The following ABCA12 variants were observed in gnomAD, a reference collection of about 807,000 sequenced individuals.
ABCA12 encodes ATP binding cassette subfamily A member 12, also known as glucosylceramide transporter ABCA12.
A neutral mutation model predicts 293.5 loss-of-function variants in ABCA12; 156 were observed. The ratio of observed to expected loss-of-function variants is 0.53; its 90% confidence interval spans 0.47 to 0.61. The LOEUF (loss-of-function observed/expected upper bound fraction) is 0.61, where lower values mean the gene tolerates loss of function less well. Ranked by LOEUF, ABCA12 falls within the 20% of genes least tolerant of loss-of-function variation. ABCA12 has a pLI of 0.00. For missense variants in ABCA12, 2,797 were observed against 3,090.2 expected, an observed-to-expected ratio of 0.91 and a Z score of 2.25; for synonymous variants, 1,063 against 1,108.0, an observed-to-expected ratio of 0.96 and a Z score of 0.81.
intron 15 of ABCA12, 34 bp downstream of exon 15, chr2:215,015,456 T>C (rs200888216): frequency 2.2e-4 from 343 of 1,573,000 alleles, no homozygotes; most frequent in Non-Finnish European, 2.7e-4. Context: ...ATATAAACCA[T>C]GAATATAAAC....
intron 34 of ABCA12, 49 bp from the exon 35 acceptor site, chr2:214,974,913 C>T: frequency 6.8e-7 from 1 of 1,470,566 alleles, no homozygotes; most frequent in Non-Finnish European, 9.5e-7. Context: ...CTACTAGTCT[C>T]CCATATTAAA....
At chr2:215,105,941 C>T (rs1239119311) in intron 2 of ABCA12, among the ~76,000 whole-genome samples, 4 of 152,070 alleles carry the variant, frequency 2.6e-5, no homozygotes, top group Middle Eastern at 3.2e-3. Context: ...ACAAAAAAAC[C>T]TATGTAAATT....
intron 28 of ABCA12, among the ~76,000 whole-genome samples, chr2:214,984,705 G>A (rs1699749676): frequency 6.6e-6 from 1 of 152,018 alleles, no homozygotes; most frequent in African/African-American, 2.4e-5. Flanking sequence ...GCACGAGACT[G>A]GAATCTGTAA....
At chr2:215,133,149 ATTTTTTTTTTTTTTTTTTTTTTT>A (rs55641331) in intron 1 of ABCA12, among the ~76,000 whole-genome samples, 5 of 34,882 alleles carry the variant, frequency 1.4e-4, no homozygotes, top group Non-Finnish European at 1.4e-4. Flanking sequence ...GCTGGCTTTA[ATTTTTTTTTTTTTTTTTTTTTTT>A]TTTTTTTTTT....
rs762533276 is a variant in ABCA12 at position 215,001,024 on chromosome 2, A to G, written c.2864-4T>C. On this transcript the variant is annotated splice_polypyrimidine_tract_variant and splice_region_variant and intron_variant, in intron 21 of 52. Transcript: ENST00000272895. ...GAAGGAAGCTTAAAAATAACACCTA[A>G]AAATAAAATGGCAACAACAGCAGAA... 6.2e-7 allele frequency: 1 copy of G among 1,613,824 alleles called. No homozygotes were observed. The highest frequency in any genetic ancestry group is 1.1e-5 in the South Asian group (1 of 91,070).
chr2:215,027,460 G>A (rs1321325630), intron 9 of ABCA12, among the ~76,000 whole-genome samples: 1 of 152,188 alleles, frequency 6.6e-6, no homozygotes, highest in Non-Finnish European at 1.5e-5. Context: ...CCTTTTCTAT[G>A]TGTACTATCT....
At position 215,105,607 on chromosome 2, in the gene ABCA12, A is replaced by ACACT. The variant is rs1246377026; in HGVS notation, c.163+5989_163+5990insAGTG. On this transcript the variant is annotated intron_variant, in intron 2 of 52. Transcript: ENST00000272895. ...CACACACACACACACACACGCACAC[A>ACACT]CACACACACACACACGCACTTTCAC... 1.2e-3 allele frequency among the ~76,000 whole-genome samples: 177 copies of ACACT among 151,646 alleles called. 1 individual carries two copies. Among genetic ancestry groups the ACACT allele is most frequent in the African/African-American group, 4.1e-3 (169 of 41,224 alleles).
At chr2:215,011,303 G>A in intron 17 of ABCA12, 136 bp downstream of exon 17, 1 of 703,848 alleles carries the variant, frequency 1.4e-6, no homozygotes, top group Non-Finnish European at 2.4e-6. Context: ...CATGTGGTAA[G>A]TGCTGTATAA....
intron 50 of ABCA12, among the ~76,000 whole-genome samples, chr2:214,940,307 A>T (rs990071022): frequency 2.0e-5 from 3 of 152,202 alleles, no homozygotes; most frequent in African/African-American, 7.2e-5. Flanking sequence ...CATCCCAGAG[A>T]TGAAGCCGAC....
chr2:215,123,197 G>A (rs1199395521), intron 1 of ABCA12, among the ~76,000 whole-genome samples: 2 of 151,668 alleles, frequency 1.3e-5, no homozygotes, highest in Non-Finnish European at 2.9e-5. Flanking sequence ...TTTTTAAGAT[G>A]GAGTTTTGCT....
rs759627002 is a variant in ABCA12, at chr2:215,019,827, G to A, written c.1288-31C>T. ...CAAAAAGGGAAAAGAGTGGGAAATA[G>A]ATTAGTTACATTTTTCTACATATAT... On this transcript the variant is annotated intron_variant, in intron 11 of 52. Coordinates refer to ENST00000272895, the MANE Select transcript of ABCA12 (RefSeq NM_173076.3). 5.0e-6 allele frequency: 8 copies of A among 1,602,900 alleles called. No individual in the cohort carries two copies. In the Admixed American group the frequency reaches 1.0e-4, roughly 20 times the overall value.
Position 214,975,924 on chromosome 2 carries a change from T to A in ABCA12, c.5242A>T (p.Ile1748Phe). 1 of 1,613,654 alleles carries A rather than the reference T, an allele frequency of 6.2e-7. No individual in the cohort carries two copies. Among genetic ancestry groups the A allele is most frequent in the Non-Finnish European group, 8.5e-7 (1 of 1,179,606 alleles). ...ACGATGGGGAGGATAACCTGAGCAATGAGACCTTTCCAGTTCCTGCGGGTG... is the reference window on the plus strand; with the variant it reads ...ACGATGGGGAGGATAACCTGAGCAAAGAGACCTTTCCAGTTCCTGCGGGTG... ...HHTRRNWKGL[I>F]AQVILPIVFV... Residue 1748 changes from isoleucine (I) to phenylalanine (F), a missense_variant, in exon 34 of 53, where the codon ATT becomes TTT. By Grantham distance (21) the Ile-to-Phe change is conservative. This residue lies in a region of ABCA12 where 2,130 missense variants were observed against 2,427.0 expected (regional missense o/e 0.88). Coordinates refer to ENST00000272895, the MANE Select transcript of ABCA12 (RefSeq NM_173076.3).
At chr2:214,981,656 T>C (rs541908121) in intron 30 of ABCA12, among the ~76,000 whole-genome samples, 178 of 152,098 alleles carry the variant, frequency 1.2e-3, no homozygotes, top group Admixed American at 4.1e-3. Context: ...TCTTAGACTT[T>C]TAAAAGATAT....
intron 20 of ABCA12, among the ~76,000 whole-genome samples, chr2:215,003,167 G>A (rs1358414687): frequency 2.6e-5 from 4 of 152,164 alleles, no homozygotes; most frequent in Non-Finnish European, 5.9e-5. Context: ...GGGGAGGGGC[G>A]TTTGCTCTGC....
intron 6 of ABCA12, among the ~76,000 whole-genome samples, chr2:215,047,832 A>G (rs1701233176): frequency 6.6e-6 from 1 of 152,200 alleles, no homozygotes; most frequent in South Asian, 2.1e-4. Context: ...GGATCTAATT[A>G]AACTTAACAG....
intron 51 of ABCA12, among the ~76,000 whole-genome samples, chr2:214,934,679 C>T (rs565568536): frequency 2.0e-4 from 31 of 152,128 alleles, no homozygotes; most frequent in Non-Finnish European, 3.7e-4. Flanking sequence ...CTTCAAATGA[C>T]AGCTCATCCT....
chr2:215,019,890 A>C, intron 11 of ABCA12, 94 bp from the exon 12 acceptor site: 1 of 1,468,582 alleles, frequency 6.8e-7, no homozygotes, highest in Non-Finnish European at 9.4e-7. Context: ...GATTTCCTTT[A>C]AGAAAAACAT....
intron 9 of ABCA12, 24 bp downstream of exon 9, chr2:215,031,797 A>G (rs1260836594): frequency 6.2e-7 from 1 of 1,613,620 alleles, no homozygotes; most frequent in South Asian, 1.1e-5. Context: ...TTATCTACCT[A>G]TTTAGAAATA....
At chr2:215,018,185 C>T in intron 13 of ABCA12, 53 bp from the exon 14 acceptor site, 1 of 1,583,442 alleles carries the variant, frequency 6.3e-7, no homozygotes, top group South Asian at 1.1e-5. Flanking sequence ...TCAGGTCACT[C>T]TTTTTAGTAT....
Sources: allele counts gnomAD v4.1 joint callset (sites outside exome capture counted in the v4.1 genomes callset), GRCh38; gene constraint gnomAD v4.1.1; regional missense constraint gnomAD v4.1.1; transcripts MANE v1.5; gene names NCBI Gene and HGNC (gene_info 2026-07-23, HGNC 2026-07-21).